FBLN7: variants seen among roughly 807,000 people sequenced by gnomAD.
The protein encoded by FBLN7 is fibulin 7, also known as fibulin-7.
FBLN7 carries 31 observed loss-of-function variants against 44.0 expected under a neutral mutation model. The ratio of observed to expected loss-of-function variants is 0.70; its 90% CI spans 0.53 to 0.95. The LOEUF is 0.95. FBLN7 is among the 40% of genes least tolerant of loss of function. The pLI, the probability that FBLN7 is intolerant of heterozygous loss-of-function variation, is 0.00. For synonymous variants in FBLN7, 262 were observed against 253.4 expected, an observed-to-expected ratio of 1.03 and a Z score of -0.32; for missense variants, 573 against 618.5, an observed-to-expected ratio of 0.93 and a Z score of 0.78.
chr2:112,226,304 A>T, the FBLN7 span, among the ~76,000 whole-genome samples: 1 of 151,962 alleles, frequency 6.6e-6, no homozygotes, highest in African/African-American at 2.4e-5. Context: ...ATTAAAAAAA[A>T]GCGGCTGGGC....
intron 4 of FBLN7, among the ~76,000 whole-genome samples, chr2:112,179,202 C>CT (rs1463751422): frequency 6.6e-6 from 1 of 152,178 alleles, no homozygotes; most frequent in Non-Finnish European, 1.5e-5. Flanking sequence ...AACAACCAAA[C>CT]TGAGAGCCAA....
intron 6 of FBLN7, among the ~76,000 whole-genome samples, chr2:112,184,623 TAAA>T (rs549350810): frequency 4.9e-4 from 64 of 130,430 alleles, no homozygotes; most frequent in African/African-American, 1.8e-3. Flanking sequence ...GATTCTAATT[TAAA>T]AAAAGTGTGT....
chr2:112,235,476 T>A, the FBLN7 span, among the ~76,000 whole-genome samples: 3 of 152,218 alleles, frequency 2.0e-5, no homozygotes, highest in Non-Finnish European at 4.4e-5. Flanking sequence ...GGTAATTACC[T>A]GAACCACAGG....
the FBLN7 span, among the ~76,000 whole-genome samples, chr2:112,203,019 G>A: frequency 6.6e-6 from 1 of 152,118 alleles, no homozygotes; most frequent in Non-Finnish European, 1.5e-5. Flanking sequence ...GAGCCAACAA[G>A]AGGCTGAGCA....
intron 1 of FBLN7, among the ~76,000 whole-genome samples, chr2:112,149,359 G>C (rs547502770): frequency 6.6e-6 from 1 of 152,176 alleles, no homozygotes. Flanking sequence ...AATCAGGAAC[G>C]GATGTCCTCC....
chr2:112,190,000 T>C (rs544610091), downstream of FBLN7: 1 of 152,340 alleles, frequency 6.6e-6, no homozygotes, highest in African/African-American at 2.4e-5. Flanking sequence ...TTTTAAGCCT[T>C]TTTTTAATCT....
chr2:112,184,687 A>ATATATGGTATATATATG (rs1482410063), intron 6 of FBLN7, among the ~76,000 whole-genome samples: 7 of 149,220 alleles, frequency 4.7e-5, no homozygotes, highest in African/African-American at 1.2e-4. Flanking sequence ...TATATGGTGT[A>ATATATGGTATATATATG]TATATGGTAT....
chr2:112,171,185 G>T (rs761810865), intron 3 of FBLN7, among the ~76,000 whole-genome samples: 1 of 152,150 alleles, frequency 6.6e-6, no homozygotes, highest in Non-Finnish European at 1.5e-5. Flanking sequence ...GCAGCAGAAG[G>T]GTTGGAGGTA....
At chr2:112,141,690 G>A (rs1033944906) in intron 1 of FBLN7, among the ~76,000 whole-genome samples, 8 of 152,190 alleles carry the variant, frequency 5.3e-5, no homozygotes, top group South Asian at 2.1e-4. Flanking sequence ...TCCCTAAGGC[G>A]GCTCCCCAGC....
At chr2:112,183,839 G>A (rs1683118826) in intron 6 of FBLN7, among the ~76,000 whole-genome samples, 1 of 152,188 alleles carries the variant, frequency 6.6e-6, no homozygotes, top group Admixed American at 6.5e-5. Flanking sequence ...GCACCTAAGA[G>A]ATTAGGAAGG....
chr2:112,240,763 C>G, the FBLN7 span, among the ~76,000 whole-genome samples: 1 of 152,044 alleles, frequency 6.6e-6, no homozygotes, highest in South Asian at 2.1e-4. Flanking sequence ...TAATTGAATA[C>G]TTTTCTTCAC....
At chr2:112,174,919 T>C (rs1682659010) in intron 3 of FBLN7, among the ~76,000 whole-genome samples, 2 of 151,618 alleles carry the variant, frequency 1.3e-5, no homozygotes, top group South Asian at 4.2e-4. Flanking sequence ...TTTTTCTAAT[T>C]AAAAAAAATG....
At chr2:112,158,333 C>T (rs1435416574) in intron 1 of FBLN7, among the ~76,000 whole-genome samples, 1 of 152,214 alleles carries the variant, frequency 6.6e-6, no homozygotes, top group Non-Finnish European at 1.5e-5. Context: ...CAACCTCCCT[C>T]CCAGGCTCAG....
chr2:112,212,589 C>T, the FBLN7 span: 1 of 152,114 alleles, frequency 6.6e-6, no homozygotes, highest in Non-Finnish European at 1.5e-5. Context: ...GGTGGTATGA[C>T]ATGAAATCTG....
chr2:112,214,979 C>T, the FBLN7 span: 10 of 152,166 alleles, frequency 6.6e-5, no homozygotes, highest in South Asian at 4.1e-4. Flanking sequence ...CAAATCTCTG[C>T]GGTGTCTTTT....
At chr2:112,161,872 T>C (rs909939161) in intron 2 of FBLN7, among the ~76,000 whole-genome samples, 1 of 152,220 alleles carries the variant, frequency 6.6e-6, no homozygotes, top group Non-Finnish European at 1.5e-5. Context: ...CTGGGTACTT[T>C]ATGCGTGCAG....
chr2:112,160,660 G>A (rs62158703), intron 2 of FBLN7, among the ~76,000 whole-genome samples: 1,232 of 21,856 alleles, frequency 0.056, 355 homozygotes, highest in African/African-American at 0.07. Context: ...ACGCACACGC[G>A]CACGCACACG....
intron 1 of FBLN7, among the ~76,000 whole-genome samples, chr2:112,158,596 C>A (rs541775597): frequency 6.6e-6 from 1 of 152,010 alleles, no homozygotes; most frequent in African/African-American, 2.4e-5. Context: ...CCACCATGCC[C>A]GGCTAATTTT....
chr2:112,185,250 A>G lies in FBLN7; in HGVS notation c.858A>G (p.Thr286=). The part of the protein sequence containing the change: ...GLQPVCPQGT[T]CINTGGSFQC... ...AGCCGGTGTGCCCCCAGGGGACCAC[A>G]TGCATCAACACCGGTGGAAGCTTCC... is the stretch of plus-strand genomic sequence containing the variant. The change falls in exon 7 of 8, where the codon ACA becomes ACG. Residue 286 remains threonine, a synonymous_variant. Coordinates refer to ENST00000331203, the MANE Select transcript of FBLN7 (RefSeq NM_153214.3). 1 of 1,613,974 alleles carries G rather than the reference A, an allele frequency of 6.2e-7. No individual in the cohort carries two copies. The highest frequency in any genetic ancestry group is 1.1e-5 in the South Asian group (1 of 91,082).
Sources: allele counts gnomAD v4.1 joint callset (sites outside exome capture counted in the v4.1 genomes callset), GRCh38; gene constraint gnomAD v4.1.1; transcripts MANE v1.5; gene names NCBI Gene and HGNC (gene_info 2026-07-23, HGNC 2026-07-21).